Variants in SLC22A9 observed in about 807,000 individuals in gnomAD.
The protein encoded by SLC22A9 is solute carrier family 22 member 9.
SLC22A9 carries 64 observed loss-of-function variants against 50.1 expected under a neutral mutation model. The observed-to-expected ratio is 1.28, with a 90% CI of 1.04 to 1.57. SLC22A9 has a LOEUF of 1.57. SLC22A9 is among the 40% of genes most tolerant of loss of function. The pLI, the probability that SLC22A9 is intolerant of heterozygous loss-of-function variation, is 0.00. For synonymous variants in SLC22A9, 261 were observed against 242.5 expected, an observed-to-expected ratio of 1.08 and a Z score of -0.71; for missense variants, 757 against 676.1, an observed-to-expected ratio of 1.12 and a Z score of -1.33.
In SLC22A9 at chr11:63,408,686, A is replaced by G. The variant is rs759896529; in HGVS notation, c.1408A>G (p.Met470Val). The change falls in exon 9 of 10, where the codon ATG becomes GTG. Residue 470 changes from methionine to valine, a missense_variant. By Grantham distance (21) the Met-to-Val change is conservative (BLOSUM62 1). Coordinates refer to ENST00000279178, the MANE Select transcript of SLC22A9 (RefSeq NM_080866.3). ...TGTTTCCACTCAAAGGGCAAGAGCT[A>G]TGGGGATCAATGCAACCTTTGCTAA... Reference protein sequence around the residue: ...VIPTIIRARAMGINATFANIA... With the variant: ...VIPTIIRARAVGINATFANIA... 1.2e-6 allele frequency: 2 copies of G among 1,613,440 alleles called. No individual in the cohort carries two copies. The highest frequency in any genetic ancestry group is 1.7e-6 in the Non-Finnish European group (2 of 1,179,484).
At chr11:63,381,138 C>T (rs2014553833) in intron 5 of SLC22A9, among the ~76,000 whole-genome samples, 1 of 152,118 alleles carries the variant, frequency 6.6e-6, no homozygotes, top group South Asian at 2.1e-4. Flanking sequence ...TCCTAATGTA[C>T]CTGTTCTAGA....
chr11:63,375,315 C>T (rs1217939306), intron 4 of SLC22A9, among the ~76,000 whole-genome samples: 1 of 152,152 alleles, frequency 6.6e-6, no homozygotes, highest in African/African-American at 2.4e-5. Context: ...AGACATAAGT[C>T]ATGACCTCAC....
intron 9 of SLC22A9, among the ~76,000 whole-genome samples, chr11:63,409,372 A>C (rs1384921036): frequency 6.6e-6 from 1 of 152,168 alleles, no homozygotes; most frequent in African/African-American, 2.4e-5. Flanking sequence ...TCCCTGGTCT[A>C]CAGTGGAATA....
intron 5 of SLC22A9, among the ~76,000 whole-genome samples, chr11:63,379,554 C>T (rs2014524017): frequency 6.6e-6 from 1 of 151,964 alleles, no homozygotes. Context: ...AAGTTTTCAA[C>T]AGAGTAAATA....
chr11:63,404,924 A>C (rs973203274), intron 6 of SLC22A9, among the ~76,000 whole-genome samples: 6 of 152,110 alleles, frequency 3.9e-5, no homozygotes, highest in Non-Finnish European at 7.3e-5. Context: ...CCACAAGAAG[A>C]AGCAAATTCA....
intron 6 of SLC22A9, among the ~76,000 whole-genome samples, chr11:63,394,991 C>T (rs1377414157): frequency 6.6e-6 from 1 of 151,684 alleles, no homozygotes; most frequent in South Asian, 2.1e-4. Flanking sequence ...ATCTTGTCTT[C>T]GAGCTCTGAA....
rs2014936530 is a variant in SLC22A9, at chr11:63,400,628, A to C, written c.1074-5869A>C. 2.0e-5 allele frequency among the ~76,000 whole-genome samples: 3 copies of C among 152,148 alleles called. No individual in the cohort carries two copies. The South Asian group carries it at 6.2e-4, about 31-fold the overall frequency. On this transcript the variant is annotated intron_variant, in intron 6 of 9. Transcript: ENST00000279178. ...CTATTGTACACAAACTATTTGAGAAAATAAAGGAGGTGGGAATACTTCCAA... is the reference window on the plus strand; with the variant it reads ...CTATTGTACACAAACTATTTGAGAACATAAAGGAGGTGGGAATACTTCCAA...
intron 6 of SLC22A9, among the ~76,000 whole-genome samples, chr11:63,402,939 T>TG (rs2014975596): frequency 1.3e-5 from 2 of 152,128 alleles, no homozygotes; most frequent in Admixed American, 6.6e-5. Flanking sequence ...CACATATACA[T>TG]GCTCATCAAC....
At chr11:63,399,129 G>A (rs931883867) in intron 6 of SLC22A9, among the ~76,000 whole-genome samples, 3 of 151,980 alleles carry the variant, frequency 2.0e-5, no homozygotes, top group Non-Finnish European at 4.4e-5. Flanking sequence ...AAAAAAGAAA[G>A]GAAGAAGGTA....
At chr11:63,372,440 C>T (rs2014379194) in intron 2 of SLC22A9, among the ~76,000 whole-genome samples, 2 of 152,070 alleles carry the variant, frequency 1.3e-5, no homozygotes, top group African/African-American at 4.8e-5. Context: ...GAATTAACAT[C>T]AAAACCATTT....
chr11:63,400,447 G>A (rs927177160), intron 6 of SLC22A9, among the ~76,000 whole-genome samples: 4 of 151,918 alleles, frequency 2.6e-5, no homozygotes, highest in Admixed American at 2.6e-4. Context: ...AATATTGATT[G>A]AACCAAGTTG....
chr11:63,394,953 G>A (rs1432574177), intron 6 of SLC22A9, among the ~76,000 whole-genome samples: 1 of 151,362 alleles, frequency 6.6e-6, no homozygotes, highest in East Asian at 1.9e-4. Context: ...TTATTTTTTT[G>A]TCTTTGTTAG....
intron 6 of SLC22A9, among the ~76,000 whole-genome samples, chr11:63,391,907 T>C (rs554382986): frequency 1.3e-5 from 2 of 152,204 alleles, no homozygotes; most frequent in South Asian, 2.1e-4. Flanking sequence ...CTTCCTGTAT[T>C]CCTTTAGGTG....
At chr11:63,402,616 C>T (rs1345246081) in intron 6 of SLC22A9, among the ~76,000 whole-genome samples, 1 of 151,316 alleles carries the variant, frequency 6.6e-6, no homozygotes, top group African/African-American at 2.4e-5. Context: ...TGACATTTAC[C>T]CATGTAACAA....
intron 4 of SLC22A9, 64 bp downstream of exon 4, chr11:63,374,126 G>T: frequency 6.9e-7 from 1 of 1,454,770 alleles, no homozygotes; most frequent in South Asian, 1.4e-5. Context: ...GTGGAACTAG[G>T]ACACCTGAAT....
intron 6 of SLC22A9, among the ~76,000 whole-genome samples, chr11:63,402,971 GGAA>G (rs2014975820): frequency 6.6e-6 from 1 of 152,124 alleles, no homozygotes; most frequent in Admixed American, 6.6e-5. Flanking sequence ...CTTCCCTGAA[GGAA>G]GATCTAAGGA....
At chr11:63,409,138 T>G (rs2015092253) in intron 9 of SLC22A9, among the ~76,000 whole-genome samples, 1 of 152,054 alleles carries the variant, frequency 6.6e-6, no homozygotes, top group Admixed American at 6.5e-5. Context: ...AAGCCAAAAT[T>G]AGGTCTCCTC....
At chr11:63,386,473 A>T (rs2014670927) in intron 6 of SLC22A9, among the ~76,000 whole-genome samples, 2 of 67,880 alleles carry the variant, frequency 2.9e-5, no homozygotes. Flanking sequence ...TTTTTTGGTA[A>T]GTAGGCTATT....
In SLC22A9 at chr11:63,386,256, T is replaced by G. The variant is rs114079610; in HGVS notation, c.1073+3979T>G. Among the ~76,000 whole-genome samples, 877 of 152,164 alleles carry G rather than the reference T, an allele frequency of 5.8e-3. 7 individuals carry two copies. The highest frequency in any genetic ancestry group is 0.02 in the African/African-American group (842 of 41,528). On this transcript the variant is annotated intron_variant, in intron 6 of 9. Coordinates refer to ENST00000279178, the MANE Select transcript of SLC22A9 (RefSeq NM_080866.3). ...AGGATATAGGCCTGAAGTATTCTTT[T>G]ATTGTTGTATTCCTGCCAGGTTTTT...
Sources: allele counts gnomAD v4.1 joint callset (sites outside exome capture counted in the v4.1 genomes callset), GRCh38; gene constraint gnomAD v4.1.1; transcripts MANE v1.5; gene names NCBI Gene and HGNC (gene_info 2026-07-23, HGNC 2026-07-21).